Variants in NACC2 observed in about 807,000 individuals in gnomAD.
The protein encoded by NACC2 is NACC family member 2, also known as nucleus accumbens-associated protein 2.
In NACC2, 8 loss-of-function variants were observed where a neutral mutation model predicts 25.1. The observed-to-expected ratio is 0.32, with a 90% confidence interval of 0.19 to 0.57. The LOEUF (loss-of-function observed/expected upper bound fraction) is 0.57. NACC2 is among the 20% of genes least tolerant of loss of function. The pLI is 0.89. For synonymous variants in NACC2, 435 were observed against 294.7 expected, an observed-to-expected ratio of 1.48 and a Z score of -4.88; for missense variants, 644 against 650.2, an observed-to-expected ratio of 0.99 and a Z score of 0.10.
chr9:136,013,355 C>A lies in NACC2; in HGVS notation c.1158-59G>T, dbSNP rs879746182. 4.0e-6 allele frequency: 6 copies of A among 1,503,086 alleles called. No homozygotes were observed. In the Admixed American group the frequency reaches 1.0e-4, roughly 26 times the overall value. 93.1% of individuals were successfully genotyped at this position (1,503,086 alleles called of 1,614,324 possible). A position where few individuals can be genotyped will look rare whatever the true frequency, so the allele number is the denominator to read the frequency against. ...GGATGATGGGGAGGGTACCTGGAGG[C>A]GACCCGCCCGCACGAATGCCCTGCT... On this transcript the variant is annotated intron_variant, in intron 4 of 5. Transcript: ENST00000277554. This position sits in a 1 kb window ranked among gnomAD's most constrained non-coding sequence, Gnocchi z 6.6.
intron 1 of NACC2, among the ~76,000 whole-genome samples, chr9:136,082,976 G>A (rs1001520123): frequency 1.1e-4 from 16 of 152,238 alleles, no homozygotes; most frequent in Non-Finnish European, 1.9e-4. Flanking sequence ...GGGGGAAGAC[G>A]CCGTGTTTTA....
At chr9:136,078,781 G>A (rs962292806) in intron 1 of NACC2, among the ~76,000 whole-genome samples, 11 of 152,222 alleles carry the variant, frequency 7.2e-5, no homozygotes, top group Non-Finnish European at 4.4e-5. Flanking sequence ...AGCCACCGCC[G>A]CATCCTGGTC....
intron 2 of NACC2, among the ~76,000 whole-genome samples, chr9:136,023,058 AAG>A (rs1840317170): frequency 1.1e-4 from 3 of 27,216 alleles, no homozygotes; most frequent in Non-Finnish European, 2.1e-4. Context: ...AGGAGGGAGG[AAG>A]GAGGGAAGAG....
rs1232938293 is a variant in NACC2 at position 136,095,244 on chromosome 9, G to C, written c.-115C>G. ...CAGCTGCGGCGCGCCGCCCGCGGCA[G>C]GAAGTGCTTGGCGTCCCGGCGCTCC... is the stretch of plus-strand genomic sequence containing the variant. On this transcript the variant is annotated 5_prime_UTR_variant, in exon 1 of 6. Transcript: ENST00000277554. 1 of 147,474 alleles carries C rather than the reference G, an allele frequency of 6.8e-6. No homozygotes were observed. Among genetic ancestry groups the C allele is most frequent in the African/African-American group, 2.4e-5 (1 of 40,928 alleles). 9.1% of individuals were successfully genotyped at this position (147,474 alleles called of 1,614,324 possible).
At chr9:136,069,805 G>A (rs926907206) in intron 1 of NACC2, among the ~76,000 whole-genome samples, 7 of 151,722 alleles carry the variant, frequency 4.6e-5, no homozygotes, top group Admixed American at 6.6e-5. Context: ...ACCAGACAAC[G>A]GAACTACAAA....
At chr9:136,058,187 A>G (rs929798136) in intron 1 of NACC2, among the ~76,000 whole-genome samples, 14 of 152,184 alleles carry the variant, frequency 9.2e-5, no homozygotes, top group African/African-American at 3.4e-4. Context: ...CTCCGCCTGG[A>G]GTTGGGCAGC....
At chr9:136,070,675 A>C (rs926200750) in intron 1 of NACC2, among the ~76,000 whole-genome samples, 6 of 151,258 alleles carry the variant, frequency 4.0e-5, no homozygotes, top group Non-Finnish European at 8.8e-5. Flanking sequence ...TCAGAAAAAA[A>C]AAAAACAAAA....
rs549942677 is a variant in NACC2 at position 136,092,092 on chromosome 9, A to G, written c.-60+3097T>C. On this transcript the variant is annotated intron_variant, in intron 1 of 5. Transcript: ENST00000277554. ...GGTGTGGGGGCCACACACAGCTCTGAACTGGGGCCCAGTGGGGAGACAAGA... is the reference window on the plus strand; with the variant it reads ...GGTGTGGGGGCCACACACAGCTCTGGACTGGGGCCCAGTGGGGAGACAAGA... 1.2e-4 allele frequency among the ~76,000 whole-genome samples: 19 copies of G among 152,310 alleles called. No individual in the cohort carries two copies. In the South Asian group the frequency reaches 3.5e-3, roughly 28 times the overall value.
Position 136,013,165 on chromosome 9 carries a change from G to GGCCC in NACC2, c.1255+33_1255+34insGGGC. The GGCCC allele has an allele frequency of 2.8e-6, 2 of 706,956 alleles. No homozygotes were observed. Among genetic ancestry groups the GGCCC allele is most frequent in the African/African-American group, 1.8e-5 (1 of 55,676 alleles). The allele number at this position is 706,956 out of a possible 1,614,324, so 43.8% of individuals were successfully genotyped here. A position where few individuals can be genotyped will look rare whatever the true frequency, so the allele number is the denominator to read the frequency against. ...AGGCTGGGATCTGAACCCAGCCCCGGCCCCACCCACCCGAGAGACCCCCAG... is the reference window on the plus strand; with the variant it reads ...AGGCTGGGATCTGAACCCAGCCCCGGGCCCCCCCACCCACCCGAGAGACCCCCAG... On this transcript the variant is annotated intron_variant, in intron 5 of 5. Coordinates refer to ENST00000277554, the MANE Select transcript of NACC2 (RefSeq NM_144653.5). The surrounding 1 kb of genome is among the most constrained non-coding windows in gnomAD (Gnocchi z 6.6).
intron 2 of NACC2, among the ~76,000 whole-genome samples, chr9:136,046,510 G>A (rs1840727300): frequency 6.6e-6 from 1 of 152,204 alleles, no homozygotes; most frequent in Admixed American, 6.5e-5. Context: ...GACTGCTGCA[G>A]AGATGAGGGC....
intron 2 of NACC2, among the ~76,000 whole-genome samples, chr9:136,026,903 G>T (rs915382704): frequency 6.6e-6 from 1 of 152,210 alleles, no homozygotes; most frequent in Non-Finnish European, 1.5e-5. Flanking sequence ...CAGTAACCAC[G>T]TGAAATGAAA....
intron 2 of NACC2, among the ~76,000 whole-genome samples, chr9:136,024,499 C>A (rs1044101583): frequency 2.4e-5 from 1 of 42,272 alleles, no homozygotes; most frequent in Non-Finnish European, 4.6e-5. Flanking sequence ...TGTGTGAGGA[C>A]AGAATGTGTG....
At chr9:136,047,906 C>T (rs1183639903) in intron 2 of NACC2, among the ~76,000 whole-genome samples, 1 of 152,194 alleles carries the variant, frequency 6.6e-6, no homozygotes, top group Non-Finnish European at 1.5e-5. Context: ...AAACCCGACA[C>T]CCAGCCCTGG....
At chr9:136,091,538 G>A (rs1296708346) in intron 1 of NACC2, among the ~76,000 whole-genome samples, 1 of 152,246 alleles carries the variant, frequency 6.6e-6, no homozygotes, top group East Asian at 1.9e-4. Context: ...TGTGGACAGG[G>A]GTGAGTGCCG....
chr9:136,059,505 G>A (rs943817662), intron 1 of NACC2, among the ~76,000 whole-genome samples: 3 of 152,226 alleles, frequency 2.0e-5, no homozygotes, highest in Non-Finnish European at 4.4e-5. Context: ...CACCCGGGCC[G>A]CCTCCTTGGG....
intron 1 of NACC2, among the ~76,000 whole-genome samples, chr9:136,094,024 G>C (rs1463042446): frequency 6.6e-6 from 1 of 152,262 alleles, no homozygotes; most frequent in African/African-American, 2.4e-5. Flanking sequence ...TGGCAGGAGA[G>C]TGCGGCCGCG....
intron 1 of NACC2, among the ~76,000 whole-genome samples, chr9:136,064,759 C>T (rs1406120262): frequency 6.6e-6 from 1 of 152,070 alleles, no homozygotes; most frequent in African/African-American, 2.4e-5. Flanking sequence ...CCAGGAGAGC[C>T]AAAACAATAT....
intron 5 of NACC2, among the ~76,000 whole-genome samples, chr9:136,012,532 C>T (rs1202754753): frequency 6.6e-6 from 1 of 152,244 alleles, no homozygotes; most frequent in Non-Finnish European, 1.5e-5. Flanking sequence ...CCAGGGGCCA[C>T]GTCCACCTCG....
intron 1 of NACC2, among the ~76,000 whole-genome samples, chr9:136,074,814 G>A (rs1830241644): frequency 1.3e-5 from 2 of 152,124 alleles, no homozygotes; most frequent in Non-Finnish European, 2.9e-5. Context: ...GGGGCTCGGG[G>A]ATGTATCACT....
Sources: allele counts gnomAD v4.1 joint callset (sites outside exome capture counted in the v4.1 genomes callset), GRCh38; gene constraint gnomAD v4.1.1; non-coding constraint Gnocchi (gnomAD v3.1); transcripts MANE v1.5; gene names NCBI Gene and HGNC (gene_info 2026-07-23, HGNC 2026-07-21).